PYROXD1: variants seen among roughly 807,000 people sequenced by gnomAD.
PYROXD1 encodes tRNA ligase complex-associated NAD(P)H dehydrogenase PYROXD1.
A neutral mutation model predicts 62.0 loss-of-function variants in PYROXD1; 42 were observed. The ratio of observed to expected loss-of-function variants is 0.68; its 90% CI spans 0.53 to 0.88. PYROXD1 has a LOEUF of 0.88. Ranked by LOEUF, PYROXD1 falls within the 40% of genes least tolerant of loss-of-function variation. The pLI, the probability that PYROXD1 is intolerant of heterozygous loss-of-function variation, is 0.00. For synonymous variants in PYROXD1, 170 were observed against 206.4 expected (o/e 0.82, Z 1.51); for missense variants, 493 against 604.8 (o/e 0.82, Z 1.94).
At chr12:21,465,556 C>T (rs1440578282) in intron 10 of PYROXD1, among the ~76,000 whole-genome samples, 1 of 151,056 alleles carries the variant, frequency 6.6e-6, no homozygotes, top group African/African-American at 2.4e-5. Flanking sequence ...ATTGTAGATT[C>T]TGGATATTAG....
At chr12:21,458,396 C>G (rs1942637579) in intron 7 of PYROXD1, among the ~76,000 whole-genome samples, 1 of 152,172 alleles carries the variant, frequency 6.6e-6, no homozygotes, top group Non-Finnish European at 1.5e-5. Flanking sequence ...CTAAAACTTT[C>G]TCCATGTCAG....
intron 4 of PYROXD1, among the ~76,000 whole-genome samples, chr12:21,451,351 A>G (rs1297726854): frequency 6.6e-6 from 1 of 151,040 alleles, no homozygotes. Context: ...TTTAACTGTC[A>G]TTTACATTTA....
intron 8 of PYROXD1, 85 bp from the exon 9 acceptor site, chr12:21,461,923 T>A (rs1942704137): frequency 1.5e-6 from 1 of 670,316 alleles, no homozygotes; most frequent in Non-Finnish European, 2.5e-6. Context: ...TTTCTTTGTT[T>A]CTAGTCATTG....
Position 21,461,008 on chromosome 12 carries a change from T to A in PYROXD1, c.751-17T>A, listed in dbSNP as rs767194048. On this transcript the variant is annotated splice_polypyrimidine_tract_variant and intron_variant, in intron 7 of 11. Coordinates refer to ENST00000240651, the MANE Select transcript of PYROXD1 (RefSeq NM_024854.5). ...TTTCTGTAAGTATTATGCTAACCAGTATTTTCTTAATTTTAGTTTTCTCAT... is the reference window on the plus strand; with the variant it reads ...TTTCTGTAAGTATTATGCTAACCAGAATTTTCTTAATTTTAGTTTTCTCAT... 4.1e-6 allele frequency: 6 copies of A among 1,469,764 alleles called. No homozygotes were observed. The highest frequency in any genetic ancestry group is 5.5e-6 in the Non-Finnish European group (6 of 1,088,582). 91.0% of individuals were successfully genotyped at this position (1,469,764 alleles called of 1,614,324 possible).
At chr12:21,442,216 A>T (rs1027577885) in intron 2 of PYROXD1, among the ~76,000 whole-genome samples, 4 of 152,144 alleles carry the variant, frequency 2.6e-5, no homozygotes, top group African/African-American at 7.2e-5. Flanking sequence ...GAGCAGATAG[A>T]GCTGAGGCCC....
chr12:21,451,484 T>C (rs1942498044), intron 4 of PYROXD1, among the ~76,000 whole-genome samples: 1 of 152,102 alleles, frequency 6.6e-6, no homozygotes, highest in East Asian at 1.9e-4. Context: ...ATTGGGTGCG[T>C]GCTACTCCTA....
chr12:21,446,972 C>T (rs1189668030), intron 3 of PYROXD1, among the ~76,000 whole-genome samples: 2 of 152,070 alleles, frequency 1.3e-5, no homozygotes, highest in Non-Finnish European at 2.9e-5. Context: ...AAGGTCTGAA[C>T]TGAGACAGGG....
chr12:21,442,564 G>A lies in PYROXD1; in HGVS notation c.165+2116G>A, dbSNP rs147005954. Among the ~76,000 whole-genome samples, 853 of 152,298 alleles carry A rather than the reference G, an allele frequency of 5.6e-3. 6 individuals carry two copies. Among genetic ancestry groups the A allele is most frequent in the African/African-American group, 0.019 (782 of 41,550 alleles). ...GATGTAGGTGGGCCCAGTATGGGCC[G>A]TAGAACCTGGGTCTGAGGTGTAGGC... On this transcript the variant is annotated intron_variant, in intron 2 of 11. Transcript: ENST00000240651.
intron 10 of PYROXD1, among the ~76,000 whole-genome samples, chr12:21,465,173 G>C (rs1942769517): frequency 6.6e-6 from 1 of 152,098 alleles, no homozygotes; most frequent in Non-Finnish European, 1.5e-5. Context: ...ATAATCCTTT[G>C]GGTATATACG....
At chr12:21,461,892 T>C in intron 8 of PYROXD1, 116 bp from the exon 9 acceptor site, 1 of 553,420 alleles carries the variant, frequency 1.8e-6, no homozygotes, top group Non-Finnish European at 3.2e-6. Flanking sequence ...GTTACAAAGT[T>C]ATCTCTTGCC....
chr12:21,446,323 CT>C (rs10707147), intron 3 of PYROXD1, among the ~76,000 whole-genome samples: 74,892 of 151,608 alleles, frequency 0.49, 18,541 homozygotes, highest in Middle Eastern at 0.59. Context: ...ACTCGGGAGA[CT>C]TGAGGCAGGA....
intron 2 of PYROXD1, 122 bp from the exon 3 acceptor site, chr12:21,445,225 G>A (rs1024444713): frequency 9.4e-7 from 1 of 1,066,902 alleles, no homozygotes; most frequent in Admixed American, 3.4e-5. Context: ...TAGTGCAGTT[G>A]GCTAACTTGT....
intron 10 of PYROXD1, among the ~76,000 whole-genome samples, chr12:21,466,504 C>T (rs368879746): frequency 1.9e-4 from 29 of 152,204 alleles, no homozygotes; most frequent in African/African-American, 5.8e-4. Context: ...GTGATTTTTG[C>T]ACATTGATTT....
At chr12:21,455,878 T>G in intron 6 of PYROXD1, 117 bp from the exon 7 acceptor site, 3 of 646,068 alleles carry the variant, frequency 4.6e-6, no homozygotes, top group Non-Finnish European at 8.2e-6. Context: ...CATAGGTTAG[T>G]CATGCTGTAA....
At chr12:21,468,472 C>T (rs942979171) in intron 11 of PYROXD1, 34 bp from the exon 12 acceptor site, 21 of 1,582,052 alleles carry the variant, frequency 1.3e-5, no homozygotes, top group Non-Finnish European at 1.8e-5. Context: ...CTTTATGATA[C>T]TCATGACAAT....
chr12:21,461,781 T>C (rs926562049), intron 8 of PYROXD1, among the ~76,000 whole-genome samples: 2 of 152,230 alleles, frequency 1.3e-5, no homozygotes, highest in Non-Finnish European at 2.9e-5. Flanking sequence ...AGGAAAAACA[T>C]TTAAAATGCC....
chr12:21,460,281 T>C (rs1300659119), intron 7 of PYROXD1, among the ~76,000 whole-genome samples: 1 of 152,124 alleles, frequency 6.6e-6, no homozygotes, highest in Non-Finnish European at 1.5e-5. Context: ...TCAATAAGCA[T>C]TTATTGAGTA....
At chr12:21,440,681 C>T (rs1055783628) in intron 2 of PYROXD1, among the ~76,000 whole-genome samples, 1 of 152,076 alleles carries the variant, frequency 6.6e-6, no homozygotes, top group African/African-American at 2.4e-5. Flanking sequence ...AATTTAATTG[C>T]TCTAGCTAGG....
chr12:21,439,353 G>A (rs1286009509), intron 1 of PYROXD1, among the ~76,000 whole-genome samples: 2 of 152,154 alleles, frequency 1.3e-5, no homozygotes, highest in African/African-American at 4.8e-5. Context: ...GAAGTTTTGA[G>A]GACCTCATCT....
Sources: allele counts gnomAD v4.1 joint callset (sites outside exome capture counted in the v4.1 genomes callset), GRCh38; gene constraint gnomAD v4.1.1; transcripts MANE v1.5; gene names NCBI Gene and HGNC (gene_info 2026-07-23, HGNC 2026-07-21).